Variants in CR1 observed in about 807,000 individuals in gnomAD.
CR1 encodes the protein complement receptor type 1.
A neutral mutation model predicts 187.3 loss-of-function variants in CR1; 116 were observed. The observed-to-expected ratio is 0.62, with a 90% CI of 0.53 to 0.72. The LOEUF (loss-of-function observed/expected upper bound fraction) is 0.72, where lower values mean the gene tolerates loss of function less well. CR1 is among the 30% of genes least tolerant of loss of function. The pLI is 0.00. For synonymous variants in CR1, 576 were observed against 747.1 expected (o/e 0.77, Z 3.73); for missense variants, 1,731 against 2,110.7 (o/e 0.82, Z 3.52).
At position 207,564,206 on chromosome 1, in the gene CR1, G is replaced by T; in HGVS notation, c.3838G>T (p.Ala1280Ser). 1 of 1,587,046 alleles carries T rather than the reference G, an allele frequency of 6.3e-7. No individual in the cohort carries two copies. The highest frequency in any genetic ancestry group is 8.5e-7 in the Non-Finnish European group (1 of 1,170,816). ...VLFPVNLQLG[A>S]KVDFVCDEGF... ...ATTTCCAGTAAATCTCCAGCTTGGA[G>T]CAAAAGTGGATTTTGTTTGTGATGA... The change falls in exon 23 of 47, where the codon GCA becomes TCA. Residue 1280 changes from alanine to serine, a missense_variant. This residue lies in a region of CR1 where 34 missense variants were observed against 79.5 expected (regional missense o/e 0.43). Transcript: ENST00000367049.
At chr1:207,602,674 T>C (rs1451935169) in intron 35 of CR1, among the ~76,000 whole-genome samples, 3 of 152,048 alleles carry the variant, frequency 2.0e-5, no homozygotes, top group Non-Finnish European at 4.4e-5. Context: ...GACAGCCCCC[T>C]GTATTTAGAG....
intron 46 of CR1, 137 bp downstream of exon 46, chr1:207,630,758 C>T (rs1255313626): frequency 2.1e-5 from 11 of 527,784 alleles, no homozygotes; most frequent in Non-Finnish European, 3.6e-5. Flanking sequence ...GAGTTGGAAA[C>T]TTCTTTTTTT....
chr1:207,524,160 G>A (rs1234393197), intron 5 of CR1, among the ~76,000 whole-genome samples, 151 bp downstream of exon 5: 1 of 152,106 alleles, frequency 6.6e-6, no homozygotes, highest in Non-Finnish European at 1.5e-5. Context: ...CAGAAGGTGT[G>A]TGTACATGCA....
At chr1:207,604,715 C>G (rs1225559416) in intron 35 of CR1, among the ~76,000 whole-genome samples, 3 of 152,108 alleles carry the variant, frequency 2.0e-5, no homozygotes, top group Non-Finnish European at 2.9e-5. Flanking sequence ...TTTTAACATC[C>G]CTTCTGTTTT....
intron 3 of CR1, among the ~76,000 whole-genome samples, chr1:207,508,100 A>G (rs1399991272): frequency 3.3e-5 from 5 of 152,208 alleles, no homozygotes; most frequent in East Asian, 1.9e-4. Context: ...AGGCAAAACT[A>G]TGGAGACAGT....
In CR1 at chr1:207,577,990, T is replaced by A. The variant is rs756426946; in HGVS notation, c.4723T>A (p.Trp1575Arg). The A allele has an allele frequency of 2.5e-6, 4 of 1,611,830 alleles. No individual in the cohort carries two copies. The change falls in exon 29 of 47, where the codon TGG (tryptophan) becomes AGG (arginine). Residue 1575 changes from tryptophan (W) to arginine (R), a missense_variant. By Grantham distance (101) the Trp-to-Arg change is moderately radical (BLOSUM62 -3). Coordinates refer to ENST00000367049, the MANE Select transcript of CR1 (RefSeq NM_000651.6). ...CAGCAATGACGATCAAGTGGGCATC[T>A]GGAGCGGCCCCGCCCCTCAGTGCAT... ...CTSNDDQVGIWSGPAPQCIIP... is the reference protein window; with the variant it reads ...CTSNDDQVGIRSGPAPQCIIP...
intron 34 of CR1, 45 bp downstream of exon 34, chr1:207,587,610 T>C: frequency 6.4e-7 from 1 of 1,573,006 alleles, no homozygotes; most frequent in African/African-American, 1.4e-5. Flanking sequence ...TGTTAAAGCA[T>C]AGGTGGGACC....
intron 35 of CR1, among the ~76,000 whole-genome samples, chr1:207,589,385 A>T (rs1018579544): frequency 6.6e-6 from 1 of 152,208 alleles, no homozygotes; most frequent in African/African-American, 2.4e-5. Flanking sequence ...GTTAGAAGAT[A>T]AACTAACAAA....
At chr1:207,526,684 T>C in intron 5 of CR1, 69 bp from the exon 6 acceptor site, 5 of 1,483,470 alleles carry the variant, frequency 3.4e-6, no homozygotes, top group Non-Finnish European at 3.6e-6. Context: ...ATTATTCCCT[T>C]GGCCAGTTTA....
intron 45 of CR1, among the ~76,000 whole-genome samples, chr1:207,623,538 CTG>C (rs1019329163): frequency 6.6e-6 from 1 of 151,374 alleles, no homozygotes. Context: ...TGAGCCAAGA[CTG>C]TGCCATTGCA....
chr1:207,577,774 T>G, intron 28 of CR1, 31 bp from the exon 29 acceptor site: 1 of 1,612,618 alleles, frequency 6.2e-7, no homozygotes, highest in South Asian at 1.1e-5. Context: ...CCCAAGGTTT[T>G]GTTTTGGTTA....
chr1:207,621,950 T>C (rs1439828524), intron 43 of CR1, 23 bp from the exon 44 acceptor site: 2 of 1,587,214 alleles, frequency 1.3e-6, no homozygotes, highest in African/African-American at 2.7e-5. Flanking sequence ...AGTGATGTTT[T>C]GTGACTTTTG....
chr1:207,636,903 A>G (rs185260446), intron 46 of CR1, among the ~76,000 whole-genome samples: 1 of 152,356 alleles, frequency 6.6e-6, no homozygotes, highest in African/African-American at 2.4e-5. Context: ...ACAATCTGCA[A>G]TTTTCACAGC....
intron 30 of CR1, 25 bp from the exon 31 acceptor site, chr1:207,580,486 C>CTTTT (rs75072508): frequency 2.2e-6 from 3 of 1,378,354 alleles, no homozygotes; most frequent in Non-Finnish European, 3.0e-6. Flanking sequence ...CCTATTTTTT[C>CTTTT]TTTTTTTTTT....
chr1:207,577,704 G>A (rs1660796251), intron 28 of CR1, 101 bp from the exon 29 acceptor site: 1 of 1,541,082 alleles, frequency 6.5e-7, no homozygotes, highest in Non-Finnish European at 8.8e-7. Context: ...GGGAAGTAGA[G>A]GTTGCAGTTA....
intron 32 of CR1, 103 bp from the exon 33 acceptor site, chr1:207,584,546 T>A: frequency 7.2e-7 from 1 of 1,384,208 alleles, no homozygotes; most frequent in Non-Finnish European, 9.8e-7. Flanking sequence ...AGAAGAAAAG[T>A]ACGCTTAATT....
rs1210200575 is a variant in CR1 at position 207,641,153 on chromosome 1, A to C, written c.*1744A>C. The C allele has an allele frequency of 6.6e-6, 1 of 152,196 alleles. No homozygotes were observed. The highest frequency in any genetic ancestry group is 1.5e-5 in the Non-Finnish European group (1 of 68,032). The allele number at this position is 152,196 out of a possible 1,614,324, so 9.4% of individuals were successfully genotyped here. A position where few individuals can be genotyped will look rare whatever the true frequency, so the allele number is the denominator to read the frequency against. ...CTTTTGCTTAGTTGAATCTTTAGCAAATCTCTTTTATTTCTTGGGATTTTG... is the reference window on the plus strand; with the variant it reads ...CTTTTGCTTAGTTGAATCTTTAGCACATCTCTTTTATTTCTTGGGATTTTG... On this transcript the variant is annotated 3_prime_UTR_variant, in exon 47 of 47. Coordinates refer to ENST00000367049, the MANE Select transcript of CR1 (RefSeq NM_000651.6).
At chr1:207,509,208 G>C (rs1245129656) in intron 3 of CR1, among the ~76,000 whole-genome samples, 15 of 152,176 alleles carry the variant, frequency 9.9e-5, no homozygotes. Context: ...GGGGCCCTGG[G>C]GAGGAGACTC....
chr1:207,526,756 G>A lies in CR1; in HGVS notation c.890G>A (p.Cys297Tyr). Residue 297 changes from cysteine (C) to tyrosine (Y), a missense_variant, in exon 6 of 47, where the codon TGT (cysteine) becomes TAT (tyrosine). By Grantham distance (194) the Cys-to-Tyr change is radical. Transcript: ENST00000367049. ...TACTTTGTTTCTCTCTCCCCAGTAT[G>A]TCAGCCACCTCCAGATGTCCTGCAT... Reference protein sequence around the residue: ...EPELPSCSRVCQPPPDVLHAE... With the variant: ...EPELPSCSRVYQPPPDVLHAE... 1 of 1,520,532 alleles carries A rather than the reference G, an allele frequency of 6.6e-7. No homozygotes were observed. Among genetic ancestry groups the A allele is most frequent in the Non-Finnish European group, 8.7e-7 (1 of 1,145,068 alleles). The allele number at this position is 1,520,532 out of a possible 1,614,324, so 94.2% of individuals were successfully genotyped here. A position where few individuals can be genotyped will look rare whatever the true frequency, so the allele number is the denominator to read the frequency against.
Sources: gnomAD v4.1 joint callset for allele counts (sites outside exome capture counted in the v4.1 genomes callset) on GRCh38, gnomAD v4.1.1 for gene constraint, gnomAD v4.1.1 regional missense constraint, MANE v1.5 for transcripts, NCBI Gene and HGNC (gene_info 2026-07-23, HGNC 2026-07-21) for gene names.